SRGAP3: variants seen among roughly 807,000 people sequenced by gnomAD.
SRGAP3 encodes the protein SLIT-ROBO Rho GTPase activating protein 3.
A neutral mutation model predicts 121.1 loss-of-function variants in SRGAP3; 39 were observed. That is an observed-to-expected ratio of 0.32 (90% confidence interval 0.25 to 0.42). SRGAP3 has a LOEUF of 0.42. SRGAP3 is among the 10% of genes least tolerant of loss of function. The pLI, the probability that SRGAP3 is intolerant of heterozygous loss-of-function variation, is 1.00. For missense variants in SRGAP3, 1,213 were observed against 1,470.6 expected, an observed-to-expected ratio of 0.82 and a Z score of 2.86; for synonymous variants, 601 against 570.0, an observed-to-expected ratio of 1.05 and a Z score of -0.77.
chr3:9,091,029 T>TA (rs61427242), intron 3 of SRGAP3, among the ~76,000 whole-genome samples: 12 of 150,552 alleles, frequency 8.0e-5, no homozygotes, highest in African/African-American at 1.5e-4. Flanking sequence ...TCTCTATGTC[T>TA]AAAAAAAAAA....
chr3:9,334,816 G>T (rs952292581), intron 1 of SRGAP3, among the ~76,000 whole-genome samples: 1 of 152,206 alleles, frequency 6.6e-6, no homozygotes, highest in Non-Finnish European at 1.5e-5. Flanking sequence ...CGTGGCTCTA[G>T]GAATGTCCCT....
chr3:9,274,525 C>A (rs1208170781), intron 3 of SRGAP3, among the ~76,000 whole-genome samples: 1 of 152,174 alleles, frequency 6.6e-6, no homozygotes, highest in Non-Finnish European at 1.5e-5. Flanking sequence ...ACCCCTGAAG[C>A]CCCAGAAGGA....
In SRGAP3 at chr3:9,064,473, T is replaced by C; in HGVS notation, c.595A>G (p.Ser199Gly). 1 of 1,614,004 alleles carries C rather than the reference T, an allele frequency of 6.2e-7. No individual in the cohort carries two copies. The highest frequency in any genetic ancestry group is 8.5e-7 in the Non-Finnish European group (1 of 1,179,824). ...TCCTCGTGCCGGAGCAGGTTCATGCTGAGGTCTCCTGACTTATTGAACTGC... is the reference window on the plus strand; with the variant it reads ...TCCTCGTGCCGGAGCAGGTTCATGCCGAGGTCTCCTGACTTATTGAACTGC... The part of the protein sequence containing the change: ...EKQFNKSGDL[S>G]MNLLRHEDRP... Residue 199 changes from serine (S) to glycine (G), a missense_variant, in exon 5 of 22, where the codon AGC becomes GGC. Transcript: ENST00000383836.
chr3:9,198,676 C>T (rs535363896), intron 1 of SRGAP3, among the ~76,000 whole-genome samples: 8 of 152,222 alleles, frequency 5.3e-5, no homozygotes, highest in Non-Finnish European at 1.0e-4. Context: ...ACTCCCAGCA[C>T]CTGGCATTGT....
At chr3:9,047,178 A>T (rs1289326543) in intron 10 of SRGAP3, among the ~76,000 whole-genome samples, 3 of 152,056 alleles carry the variant, frequency 2.0e-5, no homozygotes, top group South Asian at 4.2e-4. Flanking sequence ...ATCAAAAAGC[A>T]ACTCACACCC....
intron 3 of SRGAP3, among the ~76,000 whole-genome samples, chr3:9,301,124 T>C (rs1955047591): frequency 6.6e-6 from 1 of 152,236 alleles, no homozygotes; most frequent in Non-Finnish European, 1.5e-5. Flanking sequence ...AGTTTCGTTT[T>C]TTAACTTCCT....
At chr3:9,015,010 C>A (rs555327486) in intron 15 of SRGAP3, among the ~76,000 whole-genome samples, 1 of 152,156 alleles carries the variant, frequency 6.6e-6, no homozygotes, top group African/African-American at 2.4e-5. Context: ...TGATTTTATC[C>A]ACAGAAACAT....
chr3:9,353,774 T>G (rs1301316439), intron 1 of SRGAP3, among the ~76,000 whole-genome samples: 1 of 152,212 alleles, frequency 6.6e-6, no homozygotes, highest in Non-Finnish European at 1.5e-5. Flanking sequence ...ATCTCTTATC[T>G]CTCAATGAGG....
chr3:9,238,348 T>C (rs1953490734), intron 1 of SRGAP3, among the ~76,000 whole-genome samples: 2 of 152,194 alleles, frequency 1.3e-5, no homozygotes, highest in Non-Finnish European at 2.9e-5. Context: ...CTGTGTTCAT[T>C]GCCTCAGGGA....
intron 3 of SRGAP3, among the ~76,000 whole-genome samples, chr3:9,299,228 G>A (rs970599449): frequency 8.6e-5 from 13 of 151,172 alleles, no homozygotes; most frequent in Admixed American, 6.6e-5. Flanking sequence ...GGGCATGCTG[G>A]TGCATGCCTG....
rs765408588 is a variant in SRGAP3, at chr3:9,262,534, C to CAAAAAAAAAAAAA, written n.442+63463_442+63475dup. ...GAAGATTTACCAAGCAAATGGAAAG[C>CAAAAAAAAAAAAA]AAAAAAAAAAAAAAAAAAAAAAGCA... On this transcript the variant is annotated intron_variant and non_coding_transcript_variant, in intron 3 of 3. Transcript: ENST00000490889. Among the ~76,000 whole-genome samples, 15 of 25,564 alleles carry CAAAAAAAAAAAAA rather than the reference C, an allele frequency of 5.9e-4. 2 individuals are homozygous for CAAAAAAAAAAAAA. Among genetic ancestry groups the CAAAAAAAAAAAAA allele is most frequent in the Middle Eastern group, 0.071 (2 of 28 alleles). 16.8% of individuals were successfully genotyped at this position (25,564 alleles called of 152,430 possible). A position where few individuals can be genotyped will look rare whatever the true frequency, so the allele number is the denominator to read the frequency against.
Position 9,119,284 on chromosome 3 carries a change from C to T in SRGAP3, c.260+5441G>A, listed in dbSNP as rs532635755. ...GATGGCTTCTCTCATCTGCTCTGTT[C>T]CCACCCAGGCCATCACTGTCCCTGC... On this transcript the variant is annotated intron_variant, in intron 2 of 21. Transcript: ENST00000383836. Among the ~76,000 whole-genome samples the T allele has an allele frequency of 2.1e-3, 327 of 152,302 alleles. 1 individual carries two copies. The highest frequency in any genetic ancestry group is 7.6e-3 in the African/African-American group (316 of 41,554).
At chr3:9,067,634 T>A (rs932254135) in intron 4 of SRGAP3, among the ~76,000 whole-genome samples, 1 of 152,126 alleles carries the variant, frequency 6.6e-6, no homozygotes, top group African/African-American at 2.4e-5. Context: ...AAAAGGACAC[T>A]GGGGCCTGTC....
intron 3 of SRGAP3, among the ~76,000 whole-genome samples, chr3:9,263,320 G>A (rs2125257060): frequency 6.6e-6 from 1 of 151,728 alleles, no homozygotes; most frequent in Admixed American, 6.6e-5. Flanking sequence ...AGAGAAGCAA[G>A]AACAAACAAA....
chr3:9,277,607 CAA>C (rs35955575), intron 3 of SRGAP3, among the ~76,000 whole-genome samples: 229 of 59,782 alleles, frequency 3.8e-3, no homozygotes, highest in South Asian at 0.024. Flanking sequence ...GAAGCCATCT[CAA>C]AAAAAAAAAA....
intron 1 of SRGAP3, among the ~76,000 whole-genome samples, chr3:9,336,054 CT>C (rs1008707097): frequency 6.6e-5 from 10 of 151,216 alleles, no homozygotes; most frequent in Non-Finnish European, 1.0e-4. Context: ...TCACTTTTTT[CT>C]CTATTCATTT....
chr3:9,063,795 T>C (rs1336240699), intron 5 of SRGAP3, among the ~76,000 whole-genome samples: 2 of 152,174 alleles, frequency 1.3e-5, no homozygotes, highest in Non-Finnish European at 2.9e-5. Context: ...AAACGTGGCA[T>C]TTTCAAAACC....
At chr3:9,274,900 C>G (rs1163840448) in intron 3 of SRGAP3, among the ~76,000 whole-genome samples, 3 of 152,204 alleles carry the variant, frequency 2.0e-5, no homozygotes, top group Non-Finnish European at 4.4e-5. Context: ...CTTCTCCTCT[C>G]TCTGCCAGCT....
At position 8,985,369 on chromosome 3, in the gene SRGAP3, C is replaced by A; in HGVS notation, c.*150G>T. 6 of 1,424,212 alleles carry A rather than the reference C, an allele frequency of 4.2e-6. No individual in the cohort carries two copies. The highest frequency in any genetic ancestry group is 5.5e-6 in the Non-Finnish European group (6 of 1,090,022). The allele number at this position is 1,424,212 out of a possible 1,614,324, so 88.2% of individuals were successfully genotyped here. ...GGCTGGACGTGAGCTGCAGCCAGCG[C>A]CCGGGCCTCAGCTCTGCACAGACAC... On this transcript the variant is annotated 3_prime_UTR_variant, in exon 22 of 22. Transcript: ENST00000383836. The surrounding 1 kb of genome is among the most constrained non-coding windows in gnomAD (Gnocchi z 5.1).
Sources: gnomAD v4.1 joint callset for allele counts (sites outside exome capture counted in the v4.1 genomes callset) on GRCh38, gnomAD v4.1.1 for gene constraint, Gnocchi (gnomAD v3.1) non-coding constraint, MANE v1.5 for transcripts, NCBI Gene and HGNC (gene_info 2026-07-23, HGNC 2026-07-21) for gene names.